DLGAP1: variants seen among roughly 807,000 people sequenced by gnomAD.
DLGAP1 encodes the protein DLG associated protein 1.
DLGAP1 carries 11 observed loss-of-function variants against 90.8 expected under a neutral mutation model. The observed-to-expected ratio is 0.12, with a 90% CI of 0.08 to 0.20. The LOEUF (loss-of-function observed/expected upper bound fraction) is 0.20. Among genes scored for constraint, DLGAP1 ranks in the 10% least tolerant of loss-of-function variants. The pLI, the probability that DLGAP1 is intolerant of heterozygous loss-of-function variation, is 1.00. For missense variants in DLGAP1, 1,050 were observed against 1,333.8 expected (o/e 0.79, Z 3.31); for synonymous variants, 558 against 540.7 (o/e 1.03, Z -0.44).
At chr18:4,168,756 T>A (rs145226330) in intron 1 of DLGAP1, among the ~76,000 whole-genome samples, 4 of 152,294 alleles carry the variant, frequency 2.6e-5, no homozygotes, top group Admixed American at 1.3e-4. Context: ...ATGATTAATT[T>A]ATTTATTTTA....
intron 1 of DLGAP1, among the ~76,000 whole-genome samples, chr18:4,212,630 C>CA (rs3041113): frequency 0.02 from 2,426 of 121,800 alleles, 76 homozygotes; most frequent in African/African-American, 0.064. Flanking sequence ...GACTCCATCT[C>CA]AAAAAAAAAA....
chr18:3,499,125 A>C lies in DLGAP1; in HGVS notation c.*60T>G. 1 of 1,403,612 alleles carries C rather than the reference A, an allele frequency of 7.1e-7. No homozygotes were observed. Among genetic ancestry groups the C allele is most frequent in the Non-Finnish European group, 9.3e-7 (1 of 1,069,936 alleles). 86.9% of individuals were successfully genotyped at this position (1,403,612 alleles called of 1,614,324 possible). On this transcript the variant is annotated 3_prime_UTR_variant, in exon 13 of 13. Coordinates refer to ENST00000315677, the MANE Select transcript of DLGAP1 (RefSeq NM_004746.4). The surrounding 1 kb of genome is among the most constrained non-coding windows in gnomAD (Gnocchi z 6.4). ...TCGGAGGGGGAGAGGCAGCCGGCAG[A>C]GGAGCGGCCGGGGGAGGAGGGGACA...
At chr18:3,581,436 C>G (rs1241131003) in intron 8 of DLGAP1, among the ~76,000 whole-genome samples, 1 of 152,226 alleles carries the variant, frequency 6.6e-6, no homozygotes, top group Middle Eastern at 3.4e-3. Context: ...AAGGCAAAGG[C>G]AGGCAGGCAC....
chr18:4,007,623 T>C (rs1456855876), intron 2 of DLGAP1, among the ~76,000 whole-genome samples: 1 of 152,072 alleles, frequency 6.6e-6, no homozygotes, highest in Non-Finnish European at 1.5e-5. Flanking sequence ...ATCACTGCAC[T>C]CCAGCCTGGG....
chr18:3,977,213 A>G (rs1310585689), intron 3 of DLGAP1, among the ~76,000 whole-genome samples: 1 of 152,098 alleles, frequency 6.6e-6, no homozygotes, highest in East Asian at 1.9e-4. Context: ...CTGGGACCAC[A>G]GGCATGTGCC....
chr18:4,336,245 A>G (rs1384362413), intron 1 of DLGAP1, among the ~76,000 whole-genome samples: 1 of 152,218 alleles, frequency 6.6e-6, no homozygotes, highest in African/African-American at 2.4e-5. Context: ...TTGGGCTATA[A>G]GTGAATAATT....
At chr18:3,966,143 G>A (rs1406463362) in intron 3 of DLGAP1, among the ~76,000 whole-genome samples, 1 of 151,990 alleles carries the variant, frequency 6.6e-6, no homozygotes, top group Non-Finnish European at 1.5e-5. Flanking sequence ...TCGCTAATGC[G>A]GTTGGAGGGG....
intron 2 of DLGAP1, among the ~76,000 whole-genome samples, chr18:4,137,681 G>C (rs542327980): frequency 2.0e-5 from 3 of 152,138 alleles, no homozygotes; most frequent in Non-Finnish European, 4.4e-5. Context: ...TTGGTATTTT[G>C]ATAAGGATTG....
rs535607077 is a variant in DLGAP1 at position 4,431,553 on chromosome 18, G to C, written c.-267+23453C>G. ...CTTCTGGACAAAGGTAATTAAGAATGTAATAGTCAAAACCATCCTCTTTGA... is the reference window on the plus strand; with the variant it reads ...CTTCTGGACAAAGGTAATTAAGAATCTAATAGTCAAAACCATCCTCTTTGA... On this transcript the variant is annotated intron_variant, in intron 1 of 12. Coordinates refer to ENST00000315677, the MANE Select transcript of DLGAP1 (RefSeq NM_004746.4). Among the ~76,000 whole-genome samples the C allele has an allele frequency of 9.2e-5, 14 of 152,298 alleles. 1 individual carries two copies. In the South Asian group the frequency reaches 2.9e-3, roughly 32 times the overall value.
At chr18:4,098,757 A>G (rs1338358956) in intron 2 of DLGAP1, among the ~76,000 whole-genome samples, 1 of 152,220 alleles carries the variant, frequency 6.6e-6, no homozygotes, top group African/African-American at 2.4e-5. Context: ...TAAAATGTTC[A>G]GGTATAAATA....
At chr18:4,237,675 G>A (rs546059937) in intron 1 of DLGAP1, among the ~76,000 whole-genome samples, 3 of 150,866 alleles carry the variant, frequency 2.0e-5, no homozygotes, top group African/African-American at 7.3e-5. Flanking sequence ...GGCCCTAAAA[G>A]ACTCCATTTA....
At chr18:4,322,477 C>T (rs2080715216) in intron 1 of DLGAP1, among the ~76,000 whole-genome samples, 1 of 152,098 alleles carries the variant, frequency 6.6e-6, no homozygotes. Context: ...TTATCACAAA[C>T]CATATATAAA....
At chr18:4,331,975 G>T (rs2080962959) in intron 1 of DLGAP1, among the ~76,000 whole-genome samples, 2 of 151,820 alleles carry the variant, frequency 1.3e-5, no homozygotes, top group South Asian at 4.1e-4. Context: ...TGCTCTCAAG[G>T]AGCTTACAAT....
intron 8 of DLGAP1, among the ~76,000 whole-genome samples, chr18:3,568,484 T>G (rs2054561423): frequency 6.6e-6 from 1 of 152,160 alleles, no homozygotes; most frequent in Non-Finnish European, 1.5e-5. Context: ...ATTTTAGAAT[T>G]ATTAGGTTTA....
chr18:3,688,648 C>G (rs1369518297), intron 7 of DLGAP1, among the ~76,000 whole-genome samples: 19 of 141,124 alleles, frequency 1.3e-4, no homozygotes, highest in South Asian at 2.1e-4. Flanking sequence ...CACACACACA[C>G]ACACACACAC....
At position 3,567,526 on chromosome 18, in the gene DLGAP1, A is replaced by T. The variant is rs1474498474; in HGVS notation, c.2021T>A (p.Phe674Tyr). Residue 674 changes from phenylalanine (F) to tyrosine (Y), a missense_variant, in exon 9 of 13, where the codon TTC becomes TAC. Phe to Tyr is a conservative substitution (Grantham distance 22). This residue lies in a region of DLGAP1 where 565 missense variants were observed against 879.7 expected (regional missense o/e 0.64). Coordinates refer to ENST00000315677, the MANE Select transcript of DLGAP1 (RefSeq NM_004746.4). The stretch of plus-strand genomic sequence containing the variant: ...TTCTACTTGCACTCCCACGGACTGG[A>T]ACTTACTGGGTGCTTTATTCTCCCC... The part of the protein sequence containing the change: ...KTGENKAPSK[F>Y]QSVGVQVEEE... 1.2e-6 allele frequency: 2 copies of T among 1,614,032 alleles called. No individual in the cohort carries two copies. Among genetic ancestry groups the T allele is most frequent in the South Asian group, 2.2e-5 (2 of 91,072 alleles).
chr18:3,770,573 G>C (rs2064481872), intron 5 of DLGAP1, among the ~76,000 whole-genome samples: 1 of 152,288 alleles, frequency 6.6e-6, no homozygotes, highest in African/African-American at 2.4e-5. Flanking sequence ...CTGTAGAAAT[G>C]CAACAGCTCT....
chr18:3,798,313 A>AC (rs1226501334), intron 5 of DLGAP1, among the ~76,000 whole-genome samples: 1 of 152,266 alleles, frequency 6.6e-6, no homozygotes, highest in African/African-American at 2.4e-5. Flanking sequence ...ACAGATCCAT[A>AC]GTCAGAGGAC....
intron 3 of DLGAP1, among the ~76,000 whole-genome samples, chr18:3,911,830 A>G (rs2072041010): frequency 1.3e-5 from 2 of 152,242 alleles, no homozygotes; most frequent in African/African-American, 4.8e-5. Flanking sequence ...CTTAGCTGCT[A>G]TAGGCTCAGC....
Sources: gnomAD v4.1 joint callset for allele counts (sites outside exome capture counted in the v4.1 genomes callset) on GRCh38, gnomAD v4.1.1 for gene constraint, gnomAD v4.1.1 regional missense constraint, Gnocchi (gnomAD v3.1) non-coding constraint, MANE v1.5 for transcripts, NCBI Gene and HGNC (gene_info 2026-07-23, HGNC 2026-07-21) for gene names.